Variants in TEKT3 observed in about 807,000 individuals in gnomAD.
The protein encoded by TEKT3 is tektin 3.
Under a neutral mutation model 49.8 loss-of-function variants are expected in TEKT3, and 49 were observed. That is an observed-to-expected ratio of 0.98 (90% confidence interval 0.78 to 1.25). TEKT3 has a LOEUF of 1.25. TEKT3 is among the 50% of genes most tolerant of loss of function. The pLI, the probability that TEKT3 is intolerant of heterozygous loss-of-function variation, is 0.00. For missense variants in TEKT3, 595 were observed against 629.5 expected (o/e 0.95, Z 0.59); for synonymous variants, 225 against 237.2 (o/e 0.95, Z 0.47).
chr17:15,327,516 CAA>C (rs34068186), intron 4 of TEKT3, among the ~76,000 whole-genome samples: 11 of 128,124 alleles, frequency 8.6e-5, no homozygotes, highest in Middle Eastern at 4.1e-3. Flanking sequence ...GACTCTGTCT[CAA>C]AAAAAAAAAA....
At chr17:15,308,606 A>G in intron 8 of TEKT3, 58 bp downstream of exon 8, 1 of 1,573,768 alleles carries the variant, frequency 6.4e-7, no homozygotes, top group Non-Finnish European at 8.7e-7. Context: ...AGAGCCAGGC[A>G]CCACAGTTGG....
chr17:15,313,421 A>C (rs1468765252), intron 6 of TEKT3, among the ~76,000 whole-genome samples: 1 of 152,236 alleles, frequency 6.6e-6, no homozygotes, highest in Non-Finnish European at 1.5e-5. Flanking sequence ...AAGCTGTGGT[A>C]GGAAAGGCAT....
In TEKT3 at chr17:15,304,213, A is replaced by C. The variant is rs1910442548; in HGVS notation, c.1257-61T>G. 6.5e-7 allele frequency: 1 copy of C among 1,547,528 alleles called. No homozygotes were observed. The highest frequency in any genetic ancestry group is 1.4e-5 in the African/African-American group (1 of 73,654). ...ATGTAGCTTACGCAACTCCAAGTAC[A>C]TCACATTGTAACCAGCGATGCAAAG... On this transcript the variant is annotated intron_variant, in intron 8 of 8. Coordinates refer to ENST00000395930, the MANE Select transcript of TEKT3 (RefSeq NM_031898.3). The surrounding 1 kb of genome is among the most constrained non-coding windows in gnomAD (Gnocchi z 4.7).
intron 2 of TEKT3, among the ~76,000 whole-genome samples, chr17:15,336,135 C>T (rs1366348310): frequency 6.6e-6 from 1 of 151,932 alleles, no homozygotes; most frequent in Non-Finnish European, 1.5e-5. Flanking sequence ...CATACGTGCA[C>T]ACACACAACC....
chr17:15,313,520 C>A (rs28591427), intron 6 of TEKT3, among the ~76,000 whole-genome samples: 1 of 147,648 alleles, frequency 6.8e-6, no homozygotes, highest in East Asian at 2.0e-4. Flanking sequence ...TTTTTTTTTT[C>A]TTTTTTTGAG....
chr17:15,331,484 C>A lies in TEKT3; in HGVS notation c.102G>T (p.Arg34Ser), dbSNP rs1382182595. ...TCAAATTGGAGTGGGGAAAGCGGTC[C>A]CTGTAGCTTGAGGCCATGGTACTGA... ...PAISTMASSY[R>S]DRFPHSNLTH... is the part of the protein sequence containing the mutation. The change falls in exon 3 of 9, where the codon AGG (arginine) becomes AGT (serine). Residue 34 changes from arginine (R) to serine (S), a missense_variant. Arg to Ser is a moderately radical substitution (Grantham distance 110). Transcript: ENST00000395930. 1 of 1,613,840 alleles carries A rather than the reference C, an allele frequency of 6.2e-7. No homozygotes were observed. The highest frequency in any genetic ancestry group is 1.7e-5 in the Admixed American group (1 of 59,974).
chr17:15,329,822 T>A (rs566554970), intron 3 of TEKT3, among the ~76,000 whole-genome samples: 38 of 152,322 alleles, frequency 2.5e-4, no homozygotes, highest in African/African-American at 8.4e-4. Flanking sequence ...CAGCAAGTGC[T>A]CATCACATGG....
At chr17:15,313,733 T>G (rs1223700457) in intron 6 of TEKT3, among the ~76,000 whole-genome samples, 1 of 152,094 alleles carries the variant, frequency 6.6e-6, no homozygotes, top group Non-Finnish European at 1.5e-5. Context: ...GGTCTCGAAC[T>G]CCTGACCTCA....
chr17:15,305,943 C>T (rs1445366278), intron 8 of TEKT3, among the ~76,000 whole-genome samples: 1 of 152,054 alleles, frequency 6.6e-6, no homozygotes, highest in African/African-American at 2.4e-5. Context: ...TATTTCACTC[C>T]CAGTTTCCTT....
intron 2 of TEKT3, among the ~76,000 whole-genome samples, chr17:15,339,454 T>C (rs775829025): frequency 2.0e-5 from 3 of 152,180 alleles, no homozygotes; most frequent in East Asian, 1.9e-4. Flanking sequence ...TCAACTGTTA[T>C]TTACATACTG....
chr17:15,342,543 C>T (rs909509607), upstream of TEKT3, among the ~76,000 whole-genome samples: 8 of 152,190 alleles, frequency 5.3e-5, no homozygotes, highest in African/African-American at 1.9e-4. Flanking sequence ...CCTAGGAGAC[C>T]TCAATGAAGT....
chr17:15,310,773 C>A (rs186188924), intron 7 of TEKT3: 1 of 152,078 alleles, frequency 6.6e-6, no homozygotes, highest in Non-Finnish European at 1.5e-5. Context: ...TCTGTCACAC[C>A]GGCCTTCTAA....
chr17:15,318,353 A>G (rs1903112), intron 5 of TEKT3, among the ~76,000 whole-genome samples: 42,083 of 151,930 alleles, frequency 0.28, 6,042 homozygotes, highest in Middle Eastern at 0.36. Context: ...ACCACTCATT[A>G]CTTTTTCAAA....
chr17:15,331,411 C>A lies in TEKT3; in HGVS notation c.175G>T (p.Ala59Ser). 1.2e-6 allele frequency: 2 copies of A among 1,614,042 alleles called. No individual in the cohort carries two copies. The highest frequency in any genetic ancestry group is 1.7e-6 in the Non-Finnish European group (2 of 1,180,030). Residue 59 changes from alanine (A) to serine (S), a missense_variant, in exon 3 of 9, where the codon GCC (alanine) becomes TCC (serine). By Grantham distance (99) the Ala-to-Ser change is moderately conservative. Coordinates refer to ENST00000395930, the MANE Select transcript of TEKT3 (RefSeq NM_031898.3). ...PWRPSTYYKVASNSPSVAPYC... is the reference protein window; with the variant it reads ...PWRPSTYYKVSSNSPSVAPYC... ...GGGGCCACGCTTGGGGAATTGGAGG[C>A]GACTTTGTAGTATGTGCTGGGTCTC...
At chr17:15,333,116 G>A (rs2150752316) in intron 2 of TEKT3, among the ~76,000 whole-genome samples, 1 of 151,106 alleles carries the variant, frequency 6.6e-6, no homozygotes, top group Non-Finnish European at 1.5e-5. Flanking sequence ...TCCATTGTCT[G>A]AAACTTTTGG....
intron 8 of TEKT3, among the ~76,000 whole-genome samples, chr17:15,305,449 A>C (rs141921232): frequency 8.3e-4 from 127 of 152,382 alleles, no homozygotes; most frequent in African/African-American, 2.9e-3. Context: ...CTCATCAGAA[A>C]GCAAATTTCT....
chr17:15,306,846 C>T (rs1037691371), intron 8 of TEKT3: 1 of 152,208 alleles, frequency 6.6e-6, no homozygotes, highest in Non-Finnish European at 1.5e-5. Context: ...GGTGTGCACT[C>T]ACTGCTGGGT....
At position 15,327,934 on chromosome 17, in the gene TEKT3, A is replaced by G. The variant is rs1911558218; in HGVS notation, c.663+58T>C. 2.7e-6 allele frequency: 4 copies of G among 1,464,466 alleles called. No individual in the cohort carries two copies. The Admixed American group carries it at 5.0e-5, about 18-fold the overall frequency. The allele number at this position is 1,464,466 out of a possible 1,614,324, so 90.7% of individuals were successfully genotyped here. ...GTAACATCCTTTTTTGCTTCTACAT[A>G]TTCAACATACATTTACAACTAAGCT... is the stretch of plus-strand genomic sequence containing the variant. On this transcript the variant is annotated intron_variant, in intron 4 of 8. Coordinates refer to ENST00000395930, the MANE Select transcript of TEKT3 (RefSeq NM_031898.3).
chr17:15,334,442 A>T (rs1256747637), intron 2 of TEKT3, among the ~76,000 whole-genome samples: 5 of 152,174 alleles, frequency 3.3e-5, no homozygotes, highest in Admixed American at 3.3e-4. Flanking sequence ...ATGCCACGTG[A>T]GTTTTCCCAG....
Sources: allele counts gnomAD v4.1 joint callset (sites outside exome capture counted in the v4.1 genomes callset), GRCh38; gene constraint gnomAD v4.1.1; non-coding constraint Gnocchi (gnomAD v3.1); transcripts MANE v1.5; gene names NCBI Gene and HGNC (gene_info 2026-07-23, HGNC 2026-07-21).